Variants in SFI1 observed in about 807,000 individuals in gnomAD.
The protein encoded by SFI1 is SFI1 centrin binding protein.
A neutral mutation model predicts 207.5 loss-of-function variants in SFI1; 195 were observed. The ratio of observed to expected loss-of-function variants is 0.94; its 90% CI spans 0.84 to 1.06. SFI1 has a LOEUF of 1.06. SFI1 is among the 50% of genes least tolerant of loss of function. The probability of loss-of-function intolerance (pLI) is 0.00; values close to 1 mark genes in which losing one functional copy is unlikely to be tolerated. For missense variants in SFI1, 1,634 were observed against 1,588.0 expected (o/e 1.03, Z -0.49); for synonymous variants, 630 against 598.9 (o/e 1.05, Z -0.76).
chr22:31,550,447 T>C (rs1054679603), intron 6 of SFI1, 99 bp downstream of exon 6: 1 of 879,894 alleles, frequency 1.1e-6, no homozygotes, highest in Non-Finnish European at 1.8e-6. Flanking sequence ...AGAGGAACTC[T>C]AGGCCAAAGG....
In SFI1 at chr22:31,603,807, C is replaced by G; in HGVS notation, c.1869C>G (p.Ser623Arg). The change falls in exon 18 of 33, where the codon AGC becomes AGG. Residue 623 changes from serine (S) to arginine (R), a missense_variant. Physicochemically the swap from Ser to Arg is moderately radical, Grantham distance 110 (BLOSUM62 -1). Transcript: ENST00000400288. The part of the protein sequence containing the change: ...HMAQLLRWAW[S>R]QWRECLALRG... ...CCCAGCTCCTGCGTTGGGCCTGGAG[C>G]CAGTGGAGGGAGGTAAGGCTTTGGT... The G allele has an allele frequency of 6.4e-7, 1 of 1,568,762 alleles. No homozygotes were observed.
intron 6 of SFI1, among the ~76,000 whole-genome samples, chr22:31,553,512 G>A (rs1367891490): frequency 6.8e-6 from 1 of 146,972 alleles, no homozygotes; most frequent in Non-Finnish European, 1.5e-5. Flanking sequence ...GCGCTACCAT[G>A]CCCAGCTAAT....
chr22:31,528,188 G>C (rs1484636337), intron 2 of SFI1, among the ~76,000 whole-genome samples: 1 of 151,906 alleles, frequency 6.6e-6, no homozygotes, highest in East Asian at 1.9e-4. Flanking sequence ...AGGAGGATGT[G>C]GTAGGAGGAT....
chr22:31,614,575 A>C (rs1840750158), intron 27 of SFI1: 3 of 700,836 alleles, frequency 4.3e-6, no homozygotes, highest in Non-Finnish European at 7.8e-6. Flanking sequence ...GTCAAAAGAG[A>C]CAATGTGGGT....
chr22:31,547,735 T>G (rs976211019), intron 5 of SFI1, among the ~76,000 whole-genome samples: 5 of 151,660 alleles, frequency 3.3e-5, no homozygotes, highest in Non-Finnish European at 7.4e-5. Context: ...TTCTCCTGCC[T>G]GAGCCTCCCT....
chr22:31,519,873 A>T (rs2057002425), intron 2 of SFI1, among the ~76,000 whole-genome samples: 1 of 152,004 alleles, frequency 6.6e-6, no homozygotes, highest in Non-Finnish European at 1.5e-5. Flanking sequence ...CCTGGCCAAA[A>T]GTTTTTTTAT....
At chr22:31,570,460 C>T (rs2062836073) in intron 8 of SFI1, among the ~76,000 whole-genome samples, 1 of 152,162 alleles carries the variant, frequency 6.6e-6, no homozygotes, top group Admixed American at 6.6e-5. Context: ...TATCTTCAGC[C>T]TGATAGGCCT....
chr22:31,600,643 CCAGTCTTTGCCT>C (rs1377317288), intron 15 of SFI1, among the ~76,000 whole-genome samples: 1 of 152,194 alleles, frequency 6.6e-6, no homozygotes, highest in Admixed American at 6.5e-5. Flanking sequence ...GTCATGAACT[CCAGTCTTTGCCT>C]CCTCAGCTCA....
rs1452870499 is a variant in SFI1, at chr22:31,583,864, C to T, written c.1249-11C>T. The T allele has an allele frequency of 5.6e-6, 9 of 1,611,966 alleles. No homozygotes were observed. In the East Asian group the frequency reaches 6.7e-5, roughly 12 times the overall value. On this transcript the variant is annotated splice_polypyrimidine_tract_variant and intron_variant, in intron 12 of 32. Coordinates refer to ENST00000400288, the MANE Select transcript of SFI1 (RefSeq NM_001007467.3). ...TCAGTACATTTCCATCTTCTTCCTC[C>T]CTTGCTTTAGCTGCTGCACAGGTTC...
intron 27 of SFI1, chr22:31,614,145 C>T (rs750817693): frequency 3.4e-5 from 15 of 436,554 alleles, no homozygotes; most frequent in African/African-American, 2.1e-4. Context: ...CCTGCTGACA[C>T]GATCTTTTCC....
intron 1 of SFI1, among the ~76,000 whole-genome samples, chr22:31,505,612 C>T (rs2054512058): frequency 6.6e-6 from 1 of 151,690 alleles, no homozygotes; most frequent in African/African-American, 2.4e-5. Context: ...CAGAGTGAGA[C>T]CCTATCTCTA....
chr22:31,498,482 G>A (rs2146271256), intron 1 of SFI1, among the ~76,000 whole-genome samples: 1 of 151,448 alleles, frequency 6.6e-6, no homozygotes, highest in East Asian at 2.0e-4. Context: ...GAAACCCTGT[G>A]TCTACTAAAA....
chr22:31,501,362 G>A (rs974368674), intron 1 of SFI1, among the ~76,000 whole-genome samples: 6 of 151,596 alleles, frequency 4.0e-5, no homozygotes, highest in Non-Finnish European at 5.9e-5. Context: ...TAGTAGAGAC[G>A]GGGTTTCACT....
At chr22:31,590,458 T>TTGGCTGTTTA (rs1457719305) in intron 15 of SFI1, among the ~76,000 whole-genome samples, 16 of 149,056 alleles carry the variant, frequency 1.1e-4, no homozygotes, top group African/African-American at 4.0e-4. Context: ...ATTTTGGTAA[T>TTGGCTGTTTA]TGGCTGTTGA....
At chr22:31,607,455 T>C (rs1471921458) in intron 21 of SFI1, among the ~76,000 whole-genome samples, 2 of 151,676 alleles carry the variant, frequency 1.3e-5, no homozygotes, top group South Asian at 4.2e-4. Flanking sequence ...ATACAGAAAT[T>C]AGCTGGGTGT....
intron 4 of SFI1, among the ~76,000 whole-genome samples, chr22:31,540,778 C>G (rs5749297): frequency 6.6e-6 from 1 of 151,400 alleles, no homozygotes; most frequent in Non-Finnish European, 1.5e-5. Context: ...ATGGGGGTCT[C>G]GCCATGTTGG....
rs775324888 is a variant in SFI1, at chr22:31,557,061, T to C, written c.662+2T>C. 7.3e-5 allele frequency: 115 copies of C among 1,583,464 alleles called. No individual in the cohort carries two copies. Among genetic ancestry groups the C allele is most frequent in the Non-Finnish European group, 8.8e-5 (102 of 1,159,880 alleles). On this transcript the variant is annotated splice_donor_variant, in intron 7 of 32. Coordinates refer to ENST00000400288, the MANE Select transcript of SFI1 (RefSeq NM_001007467.3). LOFTEE classifies it high-confidence loss of function. ...GTTTAGGCAACGGATTATCTTACGG[T>C]GAGTCTGCTCAACTGCCCTACAAAG...
chr22:31,575,230 G>A lies in SFI1; in HGVS notation c.923-1G>A. On this transcript the variant is annotated splice_acceptor_variant, in intron 9 of 32. Coordinates refer to ENST00000400288, the MANE Select transcript of SFI1 (RefSeq NM_001007467.3). LOFTEE classifies it high-confidence loss of function. ...GCACTTAAGTTATTTCTCTGTTGCA[G>A]AGATGGCTGAGCGATTCCATCATGT... The A allele has an allele frequency of 6.2e-7, 1 of 1,606,902 alleles. No homozygotes were observed. The highest frequency in any genetic ancestry group is 1.1e-5 in the South Asian group (1 of 89,620).
chr22:31,553,836 ATGTTTTTTTTTT>A (rs1230098768), intron 6 of SFI1, among the ~76,000 whole-genome samples: 4 of 21,972 alleles, frequency 1.8e-4, no homozygotes, highest in Middle Eastern at 0.045. Context: ...TTAATGGATT[ATGTTTTTTTTTT>A]TTTTTTTTTT....
Sources: allele counts gnomAD v4.1 joint callset (sites outside exome capture counted in the v4.1 genomes callset), GRCh38; gene constraint gnomAD v4.1.1; transcripts MANE v1.5; gene names NCBI Gene and HGNC (gene_info 2026-07-23, HGNC 2026-07-21).